The following ZBTB16 variants were observed in gnomAD, a reference collection of about 807,000 sequenced individuals.
ZBTB16 encodes zinc finger and BTB domain-containing protein 16.
ZBTB16 carries 8 observed loss-of-function variants against 56.8 expected under a neutral mutation model. The observed-to-expected ratio is 0.14, with a 90% CI of 0.08 to 0.25. The LOEUF (loss-of-function observed/expected upper bound fraction) is 0.25. Among genes scored for constraint, ZBTB16 ranks in the 10% least tolerant of loss-of-function variants. ZBTB16 has a pLI of 1.00. For missense variants in ZBTB16, 625 were observed against 903.0 expected, an observed-to-expected ratio of 0.69 and a Z score of 3.95; for synonymous variants, 363 against 368.5, an observed-to-expected ratio of 0.98 and a Z score of 0.17.
intron 3 of ZBTB16, among the ~76,000 whole-genome samples, chr11:114,180,228 G>A (rs1014557819): frequency 1.3e-5 from 2 of 152,182 alleles, no homozygotes; most frequent in African/African-American, 4.8e-5. Context: ...AAATGGTCAG[G>A]GAGCTCCCTA....
chr11:114,078,127 A>G (rs1193582009), intron 2 of ZBTB16, among the ~76,000 whole-genome samples: 1 of 152,182 alleles, frequency 6.6e-6, no homozygotes, highest in Non-Finnish European at 1.5e-5. Flanking sequence ...GTCACATACA[A>G]CAGCTGCATT....
chr11:114,201,929 C>T (rs79572028), intron 4 of ZBTB16, among the ~76,000 whole-genome samples: 6 of 152,320 alleles, frequency 3.9e-5, no homozygotes, highest in Non-Finnish European at 7.3e-5. Context: ...CTTCAAGTCT[C>T]ATTCTGTGTA....
rs937761989 is a variant in ZBTB16 at position 114,173,200 on chromosome 11, C to T, written c.1367-13752C>T. On this transcript the variant is annotated intron_variant, in intron 3 of 6. Coordinates refer to ENST00000335953, the MANE Select transcript of ZBTB16 (RefSeq NM_006006.6). ...AGCACCCGGGCTAGAGAGCCCGCTT[C>T]TTGTCCTCAATAAAGTGATTAAGCT... Among the ~76,000 whole-genome samples, 18 of 152,258 alleles carry T rather than the reference C, an allele frequency of 1.2e-4. 1 individual carries two copies. The highest frequency in any genetic ancestry group is 4.4e-5 in the Non-Finnish European group (3 of 68,052).
chr11:114,175,898 C>A lies in ZBTB16; in HGVS notation c.1367-11054C>A, dbSNP rs574316497. Among the ~76,000 whole-genome samples, 3 of 151,986 alleles carry A rather than the reference C, an allele frequency of 2.0e-5. No homozygotes were observed. The South Asian group carries it at 6.2e-4, about 32-fold the overall frequency. Reference sequence around the variant, plus strand: ...ATGGGTGGAGTAGGCACTTGGATCCCGGCCACCACCCTTGGAGGGGTCTTA... The same window carrying A: ...ATGGGTGGAGTAGGCACTTGGATCCAGGCCACCACCCTTGGAGGGGTCTTA... On this transcript the variant is annotated intron_variant, in intron 3 of 6. Transcript: ENST00000335953.
chr11:114,171,057 C>A (rs544736739), intron 3 of ZBTB16, among the ~76,000 whole-genome samples: 46 of 152,130 alleles, frequency 3.0e-4, no homozygotes, highest in Non-Finnish European at 5.7e-4. Context: ...GATTTGGGGT[C>A]TGGAGTCAGA....
chr11:114,233,081 GCACACACACACA>G (rs1198148768), intron 4 of ZBTB16, among the ~76,000 whole-genome samples: 8 of 87,554 alleles, frequency 9.1e-5, no homozygotes, highest in African/African-American at 3.5e-4. Flanking sequence ...GCGCGCGCGC[GCACACACACACA>G]CACACACACA....
chr11:114,151,508 C>A (rs191038772), intron 2 of ZBTB16, among the ~76,000 whole-genome samples: 210 of 152,350 alleles, frequency 1.4e-3, no homozygotes, highest in African/African-American at 4.8e-3. Context: ...GGTCCTAGTT[C>A]CCCATGCTGG....
At chr11:114,093,821 A>G (rs1033967354) in intron 2 of ZBTB16, among the ~76,000 whole-genome samples, 2 of 152,216 alleles carry the variant, frequency 1.3e-5, no homozygotes, top group African/African-American at 4.8e-5. Context: ...TTTTCTAGAT[A>G]GTTTCTAAAA....
chr11:114,256,021 TG>T lies in ZBTB16; in HGVS notation c.*5467del, dbSNP rs1183403464. On this transcript the variant is annotated 3_prime_UTR_variant, in exon 7 of 7. Coordinates refer to ENST00000335953, the MANE Select transcript of ZBTB16 (RefSeq NM_006006.6). The stretch of plus-strand genomic sequence containing the variant: ...TTTATTGAAGTACTTGGTTTTGTTT[TG>T]TTTTTTTTTTTTGTTTTTTTTGCCT... Among the ~76,000 whole-genome samples the T allele has an allele frequency of 4.3e-4, 18 of 41,990 alleles. No individual in the cohort carries two copies. The highest frequency in any genetic ancestry group is 3.3e-3 in the Admixed American group (15 of 4,506). The allele number at this position is 41,990 out of a possible 152,430, so 27.5% of individuals were successfully genotyped here.
chr11:114,209,630 G>A (rs959736277), intron 4 of ZBTB16: 6 of 985,266 alleles, frequency 6.1e-6, no homozygotes, highest in South Asian at 9.4e-5. Flanking sequence ...CTGCCTTAGG[G>A]TGGTGACTAT....
At chr11:114,193,347 G>A (rs923561994) in intron 4 of ZBTB16, among the ~76,000 whole-genome samples, 6 of 152,322 alleles carry the variant, frequency 3.9e-5, no homozygotes, top group African/African-American at 1.4e-4. Flanking sequence ...CTCCCTGCCA[G>A]CCTTAGTGTG....
At chr11:114,203,353 A>G (rs757861073) in intron 4 of ZBTB16, among the ~76,000 whole-genome samples, 17 of 152,180 alleles carry the variant, frequency 1.1e-4, no homozygotes, top group Non-Finnish European at 2.1e-4. Flanking sequence ...AGTGATGAAG[A>G]TATTCTGGAA....
At chr11:114,095,209 C>T (rs968109915) in intron 2 of ZBTB16, among the ~76,000 whole-genome samples, 32 of 144,548 alleles carry the variant, frequency 2.2e-4, no homozygotes, top group South Asian at 2.2e-4. Flanking sequence ...ACCACAGTGT[C>T]GTGTCTTATG....
intron 3 of ZBTB16, among the ~76,000 whole-genome samples, chr11:114,159,496 G>C (rs1322094189): frequency 6.6e-6 from 1 of 151,952 alleles, no homozygotes; most frequent in Non-Finnish European, 1.5e-5. Context: ...TTTTCTTTCT[G>C]TTGTCCGGCA....
intron 2 of ZBTB16, among the ~76,000 whole-genome samples, chr11:114,100,848 A>G (rs1201063293): frequency 6.6e-6 from 1 of 152,178 alleles, no homozygotes; most frequent in Non-Finnish European, 1.5e-5. Context: ...AGCGATCTAC[A>G]GCTTTCGCAA....
chr11:114,206,295 T>C (rs886929281), intron 4 of ZBTB16, among the ~76,000 whole-genome samples: 2 of 152,178 alleles, frequency 1.3e-5, no homozygotes, highest in African/African-American at 4.8e-5. Flanking sequence ...TTAGGGAGCA[T>C]GATGCTGAGC....
intron 4 of ZBTB16, among the ~76,000 whole-genome samples, chr11:114,211,797 G>A (rs887082999): frequency 1.3e-5 from 2 of 152,164 alleles, no homozygotes; most frequent in African/African-American, 2.4e-5. Context: ...AGGGCAGAGC[G>A]CTTTATAAGC....
chr11:114,210,487 A>C, intron 4 of ZBTB16: 2 of 232,452 alleles, frequency 8.6e-6, no homozygotes, highest in Non-Finnish European at 1.7e-5. Context: ...CCCAGCAATG[A>C]GAAAAAGCCC....
At chr11:114,167,244 T>TTTG (rs1942796711) in intron 3 of ZBTB16, among the ~76,000 whole-genome samples, 4 of 139,630 alleles carry the variant, frequency 2.9e-5, no homozygotes, top group Non-Finnish European at 4.6e-5. Flanking sequence ...TTTTTTTTTT[T>TTTG]TTTTTTTTTG....
Sources: allele counts gnomAD v4.1 joint callset (sites outside exome capture counted in the v4.1 genomes callset), GRCh38; gene constraint gnomAD v4.1.1; transcripts MANE v1.5; gene names NCBI Gene and HGNC (gene_info 2026-07-23, HGNC 2026-07-21).